MIER3: variants seen among roughly 807,000 people sequenced by gnomAD.
The protein encoded by MIER3 is mesoderm induction early response protein 3.
A neutral mutation model predicts 63.2 loss-of-function variants in MIER3; 9 were observed. The ratio of observed to expected loss-of-function variants is 0.14; its 90% CI spans 0.09 to 0.25. The LOEUF (loss-of-function observed/expected upper bound fraction) is 0.25. Among genes scored for constraint, MIER3 ranks in the 10% least tolerant of loss-of-function variants. The pLI is 1.00. For missense variants in MIER3, 512 were observed against 666.2 expected (o/e 0.77, Z 2.55); for synonymous variants, 205 against 224.9 (o/e 0.91, Z 0.79).
rs1256259776 is a variant in MIER3, at chr5:56,921,502, A to G, written c.*1626T>C. ...ACTGTGCTAAACTAAATTTTATACT[A>G]ATGTGCTACTGCGTAAACACTTCAA... On this transcript the variant is annotated 3_prime_UTR_variant, in exon 13 of 13. Coordinates refer to ENST00000381199, the MANE Select transcript of MIER3 (RefSeq NM_001297599.2). The G allele has an allele frequency of 1.0e-4, 16 of 152,626 alleles. No homozygotes were observed. The highest frequency in any genetic ancestry group is 4.4e-5 in the Non-Finnish European group (3 of 68,014). 9.5% of individuals were successfully genotyped at this position (152,626 alleles called of 1,614,324 possible).
At chr5:56,947,536 CA>C (rs1168442425) in intron 2 of MIER3, among the ~76,000 whole-genome samples, 8 of 152,144 alleles carry the variant, frequency 5.3e-5, no homozygotes, top group Admixed American at 3.9e-4. Context: ...TTCTAACCCT[CA>C]AATAAAGACA....
intron 3 of MIER3, among the ~76,000 whole-genome samples, chr5:56,939,978 G>A (rs576248054): frequency 1.3e-5 from 2 of 152,242 alleles, no homozygotes; most frequent in South Asian, 4.1e-4. Context: ...TTTTCAGAAT[G>A]TATTCCCTTG....
intron 3 of MIER3, 114 bp from the exon 4 acceptor site, chr5:56,939,131 C>CA (rs1750553694): frequency 8.7e-7 from 1 of 1,152,728 alleles, no homozygotes; most frequent in African/African-American, 1.6e-5. Flanking sequence ...CAGAACAAAT[C>CA]AAAGGCAAGT....
rs1375350355 is a variant in MIER3, at chr5:56,919,968, T to A, written c.*3160A>T. ...TATTTCAATTTCCATTTGTAGACAATGTGCTTTGAAACTCTGGGCAAACAA... is the reference window on the plus strand; with the variant it reads ...TATTTCAATTTCCATTTGTAGACAAAGTGCTTTGAAACTCTGGGCAAACAA... On this transcript the variant is annotated 3_prime_UTR_variant, in exon 13 of 13. Transcript: ENST00000381199. 1 of 152,606 alleles carries A rather than the reference T, an allele frequency of 6.6e-6. No individual in the cohort carries two copies. The highest frequency in any genetic ancestry group is 1.9e-4 in the East Asian group (1 of 5,198). 9.5% of individuals were successfully genotyped at this position (152,606 alleles called of 1,614,324 possible).
intron 10 of MIER3, among the ~76,000 whole-genome samples, chr5:56,927,070 CTAGAAGTTGT>C (rs1750022022): frequency 6.6e-6 from 1 of 151,916 alleles, no homozygotes; most frequent in Non-Finnish European, 1.5e-5. Context: ...TCAATGGCTG[CTAGAAGTTGT>C]TAGGGAGGAG....
At chr5:56,933,511 T>C (rs1750344641) in intron 7 of MIER3, 113 bp from the exon 8 acceptor site, 4 of 960,494 alleles carry the variant, frequency 4.2e-6, no homozygotes, top group Admixed American at 3.2e-5. Flanking sequence ...GTAAATAACT[T>C]TGAAGACACC....
intron 3 of MIER3, among the ~76,000 whole-genome samples, chr5:56,943,945 T>C (rs966541873): frequency 2.0e-5 from 3 of 152,186 alleles, no homozygotes; most frequent in African/African-American, 7.2e-5. Context: ...TGAACTGTTC[T>C]GTAAGTCAAA....
rs1470580520 is a variant in MIER3, at chr5:56,923,571, C to T, written c.1210G>A (p.Val404Ile). Residue 404 changes from valine to isoleucine, a missense_variant, in exon 13 of 13, where the codon GTA becomes ATA. Val to Ile is a conservative substitution (Grantham distance 29). Transcript: ENST00000381199. The part of the protein sequence containing the change: ...ASDLTALTNS[V>I]ATVCDPTDVN... The stretch of plus-strand genomic sequence containing the variant: ...TCTGTGGGGTCGCAGACGGTTGCTA[C>T]ACTGTTGGTCAAAGCTAAAAAGGAA... The T allele has an allele frequency of 1.6e-5, 26 of 1,612,900 alleles. No individual in the cohort carries two copies. The highest frequency in any genetic ancestry group is 3.3e-4 in the Middle Eastern group (2 of 6,052).
intron 1 of MIER3, among the ~76,000 whole-genome samples, chr5:56,951,424 T>C (rs1751024755): frequency 6.6e-6 from 1 of 151,874 alleles, no homozygotes; most frequent in East Asian, 2.0e-4. Flanking sequence ...CAGAGAAAAC[T>C]GGAGCTATCA....
At chr5:56,926,807 G>A (rs1750006275) in intron 10 of MIER3, among the ~76,000 whole-genome samples, 1 of 152,028 alleles carries the variant, frequency 6.6e-6, no homozygotes. Flanking sequence ...CCAAAACTTG[G>A]AAGCAACCAA....
chr5:56,935,357 G>A, intron 7 of MIER3, 71 bp downstream of exon 7: 1 of 1,173,214 alleles, frequency 8.5e-7, no homozygotes, highest in South Asian at 1.6e-5. Context: ...TATAAAGCCA[G>A]ATATTTAAAT....
At chr5:56,947,237 GA>G in intron 2 of MIER3, 166 bp from the exon 3 acceptor site, 1 of 643,384 alleles carries the variant, frequency 1.6e-6, no homozygotes, top group Non-Finnish European at 2.4e-6. Flanking sequence ...CCATGATTCT[GA>G]AAATATGTCT....
rs1378477861 is a variant in MIER3, at chr5:56,921,898, C to T, written c.*1230G>A. 1 of 152,482 alleles carries T rather than the reference C, an allele frequency of 6.6e-6. No homozygotes were observed. Among genetic ancestry groups the T allele is most frequent in the African/African-American group, 2.4e-5 (1 of 41,400 alleles). 9.4% of individuals were successfully genotyped at this position (152,482 alleles called of 1,614,324 possible). ...ATGCATGTTTATAGCACAAAAATGG[C>T]CAAAGTTTAGGACAATGGCTTCTCA... On this transcript the variant is annotated 3_prime_UTR_variant, in exon 13 of 13. Transcript: ENST00000381199.
In MIER3 at chr5:56,920,010, GTTTA is replaced by G. The variant is rs1263771797; in HGVS notation, c.*3114_*3117del. ...GGCAAACAATCTCCTTGGTGGTCAG[GTTTA>G]TTTGTTAGTTTACATTCAAAGTTGA... On this transcript the variant is annotated 3_prime_UTR_variant, in exon 13 of 13. Coordinates refer to ENST00000381199, the MANE Select transcript of MIER3 (RefSeq NM_001297599.2). The G allele has an allele frequency of 6.6e-6, 1 of 152,502 alleles. No homozygotes were observed. Among genetic ancestry groups the G allele is most frequent in the African/African-American group, 2.4e-5 (1 of 41,426 alleles). 9.4% of individuals were successfully genotyped at this position (152,502 alleles called of 1,614,324 possible). A position where few individuals can be genotyped will look rare whatever the true frequency, so the allele number is the denominator to read the frequency against.
Position 56,936,091 on chromosome 5 carries a change from C to A in MIER3, c.437-340G>T, listed in dbSNP as rs750996186. 2.0e-5 allele frequency among the ~76,000 whole-genome samples: 3 copies of A among 152,012 alleles called. No individual in the cohort carries two copies. In the East Asian group the frequency reaches 5.8e-4, roughly 29 times the overall value. On this transcript the variant is annotated intron_variant, in intron 5 of 12. Coordinates refer to ENST00000381199, the MANE Select transcript of MIER3 (RefSeq NM_001297599.2). ...AATTAGCCGGGCGTGGTGGGGGGTG[C>A]CTGTCATCCCAGCTACTCGGGAGGC... is the stretch of plus-strand genomic sequence containing the variant.
Position 56,933,388 on chromosome 5 carries a change from G to A in MIER3, c.606C>T (p.Asn202=), listed in dbSNP as rs371059956. The change falls in exon 8 of 13, where the codon AAC becomes AAT. Residue 202 remains asparagine (N), a synonymous_variant. Coordinates refer to ENST00000381199, the MANE Select transcript of MIER3 (RefSeq NM_001297599.2). ...EYDGNEKVYE[N]EDQLLWCPDV... The stretch of plus-strand genomic sequence containing the variant: ...CAGGACACCAAAGTAACTGGTCTTC[G>A]TTTTCATATACTGATAAAGAAAATC... 4.7e-5 allele frequency: 75 copies of A among 1,608,564 alleles called. No individual in the cohort carries two copies. The highest frequency in any genetic ancestry group is 4.6e-4 in the South Asian group (41 of 89,984).
intron 9 of MIER3, chr5:56,929,630 C>T (rs551990718): frequency 6.6e-6 from 1 of 152,242 alleles, no homozygotes; most frequent in South Asian, 2.1e-4. Context: ...ATAATCAACA[C>T]ATATTTATTT....
chr5:56,951,865 G>A (rs1751048025), intron 1 of MIER3, among the ~76,000 whole-genome samples: 1 of 150,758 alleles, frequency 6.6e-6, no homozygotes, highest in Non-Finnish European at 1.5e-5. Flanking sequence ...CCCGACCGGG[G>A]CCGGAGCCGC....
intron 2 of MIER3, among the ~76,000 whole-genome samples, chr5:56,948,749 G>A (rs1333709701): frequency 6.6e-6 from 1 of 152,044 alleles, no homozygotes; most frequent in African/African-American, 2.4e-5. Context: ...TTCTTTTTTT[G>A]AGGAATTCTT....
Sources: gnomAD v4.1 joint callset for allele counts (sites outside exome capture counted in the v4.1 genomes callset) on GRCh38, gnomAD v4.1.1 for gene constraint, MANE v1.5 for transcripts, NCBI Gene and HGNC (gene_info 2026-07-23, HGNC 2026-07-21) for gene names.